The following TCP11L2 variants were observed in gnomAD, a reference collection of about 807,000 sequenced individuals.
TCP11L2 encodes T-complex protein 11-like protein 2.
Under a neutral mutation model 50.7 loss-of-function variants are expected in TCP11L2, and 39 were observed. The observed-to-expected ratio is 0.77, with a 90% confidence interval of 0.60 to 1.01. The LOEUF is 1.01. Among genes scored for constraint, TCP11L2 ranks in the 50% least tolerant of loss-of-function variants. The pLI is 0.00. For synonymous variants in TCP11L2, 192 were observed against 219.3 expected, an observed-to-expected ratio of 0.88 and a Z score of 1.10; for missense variants, 612 against 614.7, an observed-to-expected ratio of 1.00 and a Z score of 0.05.
chr12:106,336,593 A>C (rs2035929289), intron 8 of TCP11L2, among the ~76,000 whole-genome samples: 1 of 130,370 alleles, frequency 7.7e-6, no homozygotes, highest in African/African-American at 2.9e-5. Context: ...TCGCTCTGTC[A>C]CCAGGCTGGA....
At chr12:106,339,809 G>A (rs2036035825) in intron 8 of TCP11L2, among the ~76,000 whole-genome samples, 1 of 152,218 alleles carries the variant, frequency 6.6e-6, no homozygotes, top group Admixed American at 6.5e-5. Context: ...GTCTATCCTT[G>A]GGTTACAGAA....
At chr12:106,301,196 C>T (rs7964870), upstream of TCP11L2, among the ~76,000 whole-genome samples, 2,524 of 152,216 alleles carry the variant, frequency 0.017, 76 homozygotes, top group African/African-American at 0.058. Context: ...CAGGTGGGGA[C>T]AGCACCTTCT....
At chr12:106,312,367 T>A in intron 2 of TCP11L2, 18 of 1,235,788 alleles carry the variant, frequency 1.5e-5, no homozygotes, top group Non-Finnish European at 1.9e-5. Context: ...TGGACCAAAG[T>A]ATATAGACAT....
intron 6 of TCP11L2, among the ~76,000 whole-genome samples, chr12:106,328,666 GTGTTATATTACC>G (rs2035639365): frequency 6.6e-6 from 1 of 152,206 alleles, no homozygotes; most frequent in Non-Finnish European, 1.5e-5. Context: ...TTTCAGTTTT[GTGTTATATTACC>G]TGAGTTGTAT....
At chr12:106,337,622 G>A (rs949096823) in intron 8 of TCP11L2, among the ~76,000 whole-genome samples, 6 of 152,102 alleles carry the variant, frequency 3.9e-5, no homozygotes, top group African/African-American at 7.2e-5. Context: ...ACAGGCTTTC[G>A]GGTCAGATGG....
chr12:106,327,417 C>G (rs567867824), intron 6 of TCP11L2, among the ~76,000 whole-genome samples: 1 of 152,118 alleles, frequency 6.6e-6, no homozygotes, highest in African/African-American at 2.4e-5. Flanking sequence ...TGGTCTCTAA[C>G]TACTGGCTTC....
intron 6 of TCP11L2, among the ~76,000 whole-genome samples, chr12:106,331,912 T>G (rs150707940): frequency 0.012 from 1,799 of 152,372 alleles, 8 homozygotes; most frequent in Non-Finnish European, 0.018. Context: ...TGCTTCTTCA[T>G]TCTCTGTCTT....
At chr12:106,319,460 C>G (rs550706366) in intron 4 of TCP11L2, among the ~76,000 whole-genome samples, 5 of 152,334 alleles carry the variant, frequency 3.3e-5, no homozygotes, top group African/African-American at 1.2e-4. Context: ...AGAGTTTCCC[C>G]CTGCACCTCC....
chr12:106,346,553 A>C lies in TCP11L2; in HGVS notation c.*23A>C. On this transcript the variant is annotated 3_prime_UTR_variant, in exon 10 of 10. Transcript: ENST00000299045. ...TAAAGAAGAACTGACATTGGACGAG[A>C]GATTGGAAATCCAGTACTTTGGTAT... 3 of 1,598,826 alleles carry C rather than the reference A, an allele frequency of 1.9e-6. 1 individual carries two copies. The African/African-American group carries it at 4.0e-5, about 21-fold the overall frequency.
At chr12:106,329,269 G>A in intron 6 of TCP11L2, 1 of 1,529,688 alleles carries the variant, frequency 6.5e-7, no homozygotes, top group Middle Eastern at 1.7e-4. Context: ...GACTGAGTAG[G>A]TGCCCAGTGG....
intron 9 of TCP11L2, 76 bp from the exon 10 acceptor site, chr12:106,346,210 C>T: frequency 6.9e-7 from 1 of 1,451,580 alleles, no homozygotes; most frequent in Non-Finnish European, 9.3e-7. Flanking sequence ...CAACCTACTA[C>T]AATTACTTGT....
intron 9 of TCP11L2, among the ~76,000 whole-genome samples, chr12:106,341,788 A>G (rs1231700266): frequency 6.6e-6 from 1 of 152,180 alleles, no homozygotes; most frequent in Non-Finnish European, 1.5e-5. Context: ...CCAGTGAAAA[A>G]CAAGGAATCT....
chr12:106,330,140 GCAA>G, intron 6 of TCP11L2: 1 of 985,378 alleles, frequency 1.0e-6, no homozygotes, highest in Non-Finnish European at 1.2e-6. Flanking sequence ...TGGGCCTAAA[GCAA>G]AATAAAGTGA....
chr12:106,344,038 G>C (rs1038097800), intron 9 of TCP11L2, among the ~76,000 whole-genome samples: 1 of 151,470 alleles, frequency 6.6e-6, no homozygotes, highest in Non-Finnish European at 1.5e-5. Flanking sequence ...ACAGACAAAG[G>C]CCAGGCACGG....
At chr12:106,310,589 A>G (rs1201771103) in intron 1 of TCP11L2, among the ~76,000 whole-genome samples, 3 of 152,182 alleles carry the variant, frequency 2.0e-5, no homozygotes, top group Non-Finnish European at 2.9e-5. Flanking sequence ...TGGCAACCCA[A>G]TGAGAGGTTA....
intron 6 of TCP11L2, among the ~76,000 whole-genome samples, chr12:106,327,934 A>G (rs112351265): frequency 2.2e-3 from 333 of 152,354 alleles, no homozygotes; most frequent in African/African-American, 7.5e-3. Flanking sequence ...CATTAGATCC[A>G]ACATGTAAAT....
intron 2 of TCP11L2, among the ~76,000 whole-genome samples, chr12:106,311,784 G>A (rs762055078): frequency 1.8e-4 from 27 of 151,828 alleles, no homozygotes; most frequent in Non-Finnish European, 3.7e-4. Context: ...TCTTTTTCCC[G>A]TTTTTGCATG....
intron 9 of TCP11L2, among the ~76,000 whole-genome samples, chr12:106,345,327 T>C (rs994960428): frequency 6.6e-6 from 1 of 152,112 alleles, no homozygotes; most frequent in Non-Finnish European, 1.5e-5. Flanking sequence ...CAGGGTACTT[T>C]TGAGAGTCTC....
chr12:106,326,901 T>TGACCCTAAATAAAAC (rs2035567052), intron 6 of TCP11L2, among the ~76,000 whole-genome samples: 1 of 152,212 alleles, frequency 6.6e-6, no homozygotes, highest in African/African-American at 2.4e-5. Context: ...CTCCAAGGGC[T>TGACCCTAAATAAAAC]ATGTTGTTTT....
Sources: gnomAD v4.1 joint callset for allele counts (sites outside exome capture counted in the v4.1 genomes callset) on GRCh38, gnomAD v4.1.1 for gene constraint, MANE v1.5 for transcripts, NCBI Gene and HGNC (gene_info 2026-07-23, HGNC 2026-07-21) for gene names.